PRR23D1: variants seen among roughly 807,000 people sequenced by gnomAD.
The protein encoded by PRR23D1 is proline rich 23 domain containing 1, also known as proline-rich protein 23D1.
chr8:7,536,759 CTATTT>C (rs1812653513), upstream of PRR23D1, among the ~76,000 whole-genome samples: 1 of 146,672 alleles, frequency 6.8e-6, no homozygotes, highest in African/African-American at 2.6e-5. Context: ...AATCAACAGA[CTATTT>C]TATACGGTCT....
upstream of PRR23D1, among the ~76,000 whole-genome samples, chr8:7,536,977 G>A (rs1314186394): frequency 8.5e-6 from 1 of 117,768 alleles, no homozygotes; most frequent in African/African-American, 3.8e-5. Flanking sequence ...GAGGGCAATG[G>A]AACTCGCTTT....
chr8:7,536,899 A>G (rs1812658192), upstream of PRR23D1, among the ~76,000 whole-genome samples: 1 of 138,928 alleles, frequency 7.2e-6, no homozygotes, highest in Non-Finnish European at 1.5e-5. Flanking sequence ...AATTTCAGCG[A>G]TACAGACGCA....
At chr8:7,539,054 A>G (rs941420157), upstream of PRR23D1, among the ~76,000 whole-genome samples, 5 of 151,474 alleles carry the variant, frequency 3.3e-5, no homozygotes, top group African/African-American at 1.2e-4. Flanking sequence ...TTCTTCAAAG[A>G]AACTTTAAAT....
chr8:7,536,769 C>T (rs1467372117), upstream of PRR23D1, among the ~76,000 whole-genome samples: 3 of 147,764 alleles, frequency 2.0e-5, no homozygotes, highest in South Asian at 2.1e-4. Context: ...CTATTTTATA[C>T]GGTCTTTGGA....
upstream of PRR23D1, among the ~76,000 whole-genome samples, chr8:7,538,798 A>G (rs1480287191): frequency 6.6e-6 from 1 of 151,990 alleles, no homozygotes; most frequent in African/African-American, 2.4e-5. Flanking sequence ...CAGACAGATT[A>G]ATACACAATG....
upstream of PRR23D1, among the ~76,000 whole-genome samples, chr8:7,537,061 C>T (rs1464353590): frequency 1.8e-5 from 2 of 113,064 alleles, no homozygotes; most frequent in African/African-American, 8.4e-5. Flanking sequence ...GGGAACTTCC[C>T]TTCCTCAGGC....
At chr8:7,537,099 T>C (rs978844294), upstream of PRR23D1, among the ~76,000 whole-genome samples, 1 of 109,662 alleles carries the variant, frequency 9.1e-6, no homozygotes, top group Non-Finnish European at 1.8e-5. Flanking sequence ...CGCCCTGGCT[T>C]TGGGGCAAAT....
chr8:7,536,903 A>G (rs1364456299), upstream of PRR23D1, among the ~76,000 whole-genome samples: 4 of 138,230 alleles, frequency 2.9e-5, no homozygotes, highest in Middle Eastern at 3.9e-3. Context: ...TCAGCGATAC[A>G]GACGCAGGTC....
chr8:7,538,847 C>T (rs1368943312), upstream of PRR23D1, among the ~76,000 whole-genome samples: 4 of 151,848 alleles, frequency 2.6e-5, no homozygotes, highest in African/African-American at 7.3e-5. Context: ...TTTGTATTTT[C>T]CCCAGCTTGT....
At chr8:7,536,752 C>T (rs536126589), upstream of PRR23D1, among the ~76,000 whole-genome samples, 230 of 146,256 alleles carry the variant, frequency 1.6e-3, no homozygotes, top group African/African-American at 5.7e-3. Context: ...TACAGGGAAT[C>T]AACAGACTAT....
At chr8:7,538,821 TTAAG>T (rs1304216397), upstream of PRR23D1, among the ~76,000 whole-genome samples, 1 of 151,922 alleles carries the variant, frequency 6.6e-6, no homozygotes, top group African/African-American at 2.4e-5. Flanking sequence ...ATATTAGAAA[TTAAG>T]TAAAGGTTCT....
At chr8:7,536,967 G>A (rs954559790), upstream of PRR23D1, among the ~76,000 whole-genome samples, 1 of 118,228 alleles carries the variant, frequency 8.5e-6, no homozygotes, top group Non-Finnish European at 1.7e-5. Flanking sequence ...ATAGCCGGCA[G>A]AGGGCAATGG....
upstream of PRR23D1, among the ~76,000 whole-genome samples, chr8:7,539,138 TA>T: frequency 6.7e-6 from 1 of 148,566 alleles, no homozygotes; most frequent in African/African-American, 2.5e-5. Context: ...GTATTGTAAG[TA>T]ATCTAGAGAT....
At chr8:7,536,942 C>T (rs1254568730), upstream of PRR23D1, among the ~76,000 whole-genome samples, 45 of 122,052 alleles carry the variant, frequency 3.7e-4, no homozygotes, top group Admixed American at 1.3e-3. Context: ...GCCAAGAGTC[C>T]CGCGCTGCAA....
At chr8:7,541,124 C>A in intron 3 of PRR23D1, 105 bp downstream of exon 3, 1 of 664,738 alleles carries the variant, frequency 1.5e-6, no homozygotes, top group Non-Finnish European at 2.7e-6. Context: ...GGCATGAGCA[C>A]CAATTCTGGG....
At chr8:7,540,784 AG>A in intron 2 of PRR23D1, 78 bp downstream of exon 2, 1 of 555,092 alleles carries the variant, frequency 1.8e-6, no homozygotes, top group Non-Finnish European at 3.2e-6. Context: ...CCATAAATGG[AG>A]AGGGTGCTTT....
chr8:7,537,089 C>T (rs1299457471), upstream of PRR23D1, among the ~76,000 whole-genome samples: 1 of 110,404 alleles, frequency 9.1e-6, no homozygotes, highest in Non-Finnish European at 1.8e-5. Flanking sequence ...GAGGAGGCGC[C>T]GCCCTGGCTT....
chr8:7,538,843 T>G (rs1161775076), upstream of PRR23D1, among the ~76,000 whole-genome samples: 1 of 151,926 alleles, frequency 6.6e-6, no homozygotes, highest in South Asian at 2.1e-4. Flanking sequence ...TCTTTTTGTA[T>G]TTTCCCCAGC....
chr8:7,538,770 A>G (rs1389977299), upstream of PRR23D1, among the ~76,000 whole-genome samples: 4 of 151,858 alleles, frequency 2.6e-5, no homozygotes, highest in African/African-American at 9.7e-5. Context: ...GCGGGGATAC[A>G]GGCAAGAAAT....
Sources: gnomAD v4.1 joint callset for allele counts (sites outside exome capture counted in the v4.1 genomes callset) on GRCh38, gnomAD v4.1.1 for gene constraint, MANE v1.5 for transcripts, NCBI Gene and HGNC (gene_info 2026-07-23, HGNC 2026-07-21) for gene names.